The following CNTN3 variants were observed in gnomAD, a reference collection of about 807,000 sequenced individuals.
CNTN3 encodes contactin-3.
Under a neutral mutation model 119.1 loss-of-function variants are expected in CNTN3, and 60 were observed. The observed-to-expected ratio is 0.50, with a 90% CI of 0.41 to 0.62. CNTN3 has a LOEUF of 0.62. Among genes scored for constraint, CNTN3 ranks in the 20% least tolerant of loss-of-function variants. The pLI is 0.00. For synonymous variants in CNTN3, 450 were observed against 438.7 expected (o/e 1.03, Z -0.32); for missense variants, 1,101 against 1,242.4 (o/e 0.89, Z 1.71).
chr3:74,481,731 AAC>A (rs1702767683), intron 4 of CNTN3, among the ~76,000 whole-genome samples: 1 of 151,950 alleles, frequency 6.6e-6, no homozygotes, highest in African/African-American at 2.4e-5. Flanking sequence ...ACTTTGGAAG[AAC>A]AATAAAGATA....
rs1423421146 is a variant in CNTN3 at position 74,288,582 on chromosome 3, C to T, written c.2518-3091G>A. On this transcript the variant is annotated intron_variant, in intron 19 of 22. Transcript: ENST00000263665. ...GCATTCTATTATGGCACATTAATTA[C>T]ATTCTTCTGCCAAACTTAAAAAAAA... is the stretch of plus-strand genomic sequence containing the variant. Among the ~76,000 whole-genome samples, 3 of 152,136 alleles carry T rather than the reference C, an allele frequency of 2.0e-5. No homozygotes were observed. The East Asian group carries it at 5.8e-4, about 29-fold the overall frequency.
rs902923175 is a variant in CNTN3, at chr3:74,515,679, T to C, written c.55+5379A>G. Among the ~76,000 whole-genome samples, 5 of 152,140 alleles carry C rather than the reference T, an allele frequency of 3.3e-5. No homozygotes were observed. The East Asian group carries it at 9.7e-4, about 30-fold the overall frequency. ...TCAAATATCTACACTGTGAATGAAATTCTGATTCACTAAGCCAGTTGGCAT... is the reference window on the plus strand; with the variant it reads ...TCAAATATCTACACTGTGAATGAAACTCTGATTCACTAAGCCAGTTGGCAT... On this transcript the variant is annotated intron_variant, in intron 2 of 22. Coordinates refer to ENST00000263665, the MANE Select transcript of CNTN3 (RefSeq NM_020872.3).
chr3:74,266,601 T>C lies in CNTN3; in HGVS notation c.2866A>G (p.Asn956Asp). 3 of 1,613,580 alleles carry C rather than the reference T, an allele frequency of 1.9e-6. No individual in the cohort carries two copies. Among genetic ancestry groups the C allele is most frequent in the Non-Finnish European group, 2.5e-6 (3 of 1,179,590 alleles). Residue 956 changes from asparagine to aspartate, a missense_variant, in exon 22 of 23, where the codon AAT becomes GAT. Coordinates refer to ENST00000263665, the MANE Select transcript of CNTN3 (RefSeq NM_020872.3). ...AGCACAAGTTCAGCTGAAGTTTTAT[T>C]TGTGTTCAGTACTTGTACGTTATTT... ...SQNNVQVLNT[N>D]KTSAELVLPI...
At chr3:74,540,912 T>C (rs1703834287) in intron 1 of CNTN3, among the ~76,000 whole-genome samples, 1 of 152,222 alleles carries the variant, frequency 6.6e-6, no homozygotes. Context: ...ATAAGAGTGC[T>C]ATGTAGCCTA....
intron 1 of CNTN3, among the ~76,000 whole-genome samples, chr3:74,562,138 A>G (rs1704162777): frequency 6.6e-6 from 1 of 152,058 alleles, no homozygotes; most frequent in Non-Finnish European, 1.5e-5. Flanking sequence ...CAGCCACATC[A>G]TTCTCTATTC....
intron 1 of CNTN3, among the ~76,000 whole-genome samples, chr3:74,592,596 C>T (rs965035373): frequency 6.6e-6 from 1 of 151,842 alleles, no homozygotes; most frequent in Non-Finnish European, 1.5e-5. Flanking sequence ...GCCTCTATGG[C>T]TTGGCCATGA....
At chr3:74,590,199 A>T (rs1704677721) in intron 1 of CNTN3, among the ~76,000 whole-genome samples, 1 of 152,016 alleles carries the variant, frequency 6.6e-6, no homozygotes, top group Admixed American at 6.6e-5. Context: ...TGAACTTTTC[A>T]ATAAAGAAAG....
intron 11 of CNTN3, among the ~76,000 whole-genome samples, chr3:74,342,685 T>C (rs778604894): frequency 1.3e-5 from 2 of 152,238 alleles, no homozygotes; most frequent in Non-Finnish European, 2.9e-5. Flanking sequence ...GCTAAACGCA[T>C]ATTAACATGA....
intron 4 of CNTN3, among the ~76,000 whole-genome samples, chr3:74,442,488 T>A (rs1204029516): frequency 6.6e-6 from 1 of 152,206 alleles, no homozygotes; most frequent in Admixed American, 6.5e-5. Context: ...TATTACCTTT[T>A]AAGGTCTAGC....
At chr3:74,399,243 G>A (rs1420373305) in intron 5 of CNTN3, among the ~76,000 whole-genome samples, 3 of 152,104 alleles carry the variant, frequency 2.0e-5, no homozygotes, top group Non-Finnish European at 2.9e-5. Flanking sequence ...CATCACCCAG[G>A]TATTAAGCCT....
At chr3:74,550,603 C>T (rs1311973873) in intron 1 of CNTN3, among the ~76,000 whole-genome samples, 1 of 152,118 alleles carries the variant, frequency 6.6e-6, no homozygotes, top group Non-Finnish European at 1.5e-5. Context: ...CAGTGGTGCA[C>T]TCATAGCTCA....
At chr3:74,279,757 C>A (rs1284084316) in intron 20 of CNTN3, among the ~76,000 whole-genome samples, 2 of 151,838 alleles carry the variant, frequency 1.3e-5, no homozygotes. Context: ...CTCATATAAC[C>A]AAAAACCACC....
rs184541212 is a variant in CNTN3 at position 74,479,467 on chromosome 3, G to T, written c.358+6989C>A. On this transcript the variant is annotated intron_variant, in intron 4 of 22. Coordinates refer to ENST00000263665, the MANE Select transcript of CNTN3 (RefSeq NM_020872.3). ...AGCACAGCAAGCTAGTTAGCAAGGCGAAGTATCTTCAACATTCTGAAAGAA... is the reference window on the plus strand; with the variant it reads ...AGCACAGCAAGCTAGTTAGCAAGGCTAAGTATCTTCAACATTCTGAAAGAA... Among the ~76,000 whole-genome samples the T allele has an allele frequency of 1.3e-3, 197 of 152,202 alleles. 1 individual carries two copies. The highest frequency in any genetic ancestry group is 2.1e-3 in the South Asian group (10 of 4,824).
intron 1 of CNTN3, among the ~76,000 whole-genome samples, chr3:74,548,553 T>C (rs1253710288): frequency 1.3e-5 from 2 of 151,840 alleles, no homozygotes; most frequent in South Asian, 2.1e-4. Context: ...TTTTAATACA[T>C]TGCTAAATTT....
intron 1 of CNTN3, among the ~76,000 whole-genome samples, chr3:74,605,134 G>T (rs186164707): frequency 2.6e-5 from 4 of 152,154 alleles, no homozygotes; most frequent in Admixed American, 2.6e-4. Context: ...TGGTTACCAG[G>T]GGGGTGAGGA....
At position 74,486,537 on chromosome 3, in the gene CNTN3, A is replaced by G; in HGVS notation, c.277T>C (p.Trp93Arg). ...AAACATTGGTAAGTTCCTGTATCCC[A>G]ATTTCTGTTGGGATTAATAACCACA... ...NLVVINPNRNWDTGTYQCFAT... is the reference protein window; with the variant it reads ...NLVVINPNRNRDTGTYQCFAT... Residue 93 changes from tryptophan to arginine, a missense_variant, in exon 4 of 23, where the codon TGG becomes CGG. Physicochemically the swap from Trp to Arg is moderately radical, Grantham distance 101. Coordinates refer to ENST00000263665, the MANE Select transcript of CNTN3 (RefSeq NM_020872.3). The G allele has an allele frequency of 1.2e-6, 2 of 1,610,446 alleles. No individual in the cohort carries two copies. Among genetic ancestry groups the G allele is most frequent in the Non-Finnish European group, 1.7e-6 (2 of 1,179,196 alleles).
chr3:74,420,664 CA>C (rs1443902695), intron 5 of CNTN3, among the ~76,000 whole-genome samples: 1 of 152,198 alleles, frequency 6.6e-6, no homozygotes, highest in East Asian at 1.9e-4. Flanking sequence ...TGGCTTAGGA[CA>C]GTGTCACTTC....
At chr3:74,373,260 T>C (rs1704386877) in intron 5 of CNTN3, among the ~76,000 whole-genome samples, 1 of 152,142 alleles carries the variant, frequency 6.6e-6, no homozygotes. Context: ...GCAAGGTAGG[T>C]TGAGTTTGTT....
chr3:74,529,299 C>A (rs1021370469), intron 1 of CNTN3, among the ~76,000 whole-genome samples: 5 of 151,974 alleles, frequency 3.3e-5, no homozygotes, highest in Non-Finnish European at 7.4e-5. Context: ...TAAAATATTT[C>A]AAACAGTACA....
Sources: allele counts gnomAD v4.1 joint callset (sites outside exome capture counted in the v4.1 genomes callset), GRCh38; gene constraint gnomAD v4.1.1; transcripts MANE v1.5; gene names NCBI Gene and HGNC (gene_info 2026-07-23, HGNC 2026-07-21).